PIP4K2B: variants seen among roughly 807,000 people sequenced by gnomAD.
PIP4K2B encodes the protein phosphatidylinositol-5-phosphate 4-kinase type 2 beta, also known as phosphatidylinositol 5-phosphate 4-kinase type-2 beta.
In PIP4K2B, 3 loss-of-function variants were observed where a neutral mutation model predicts 42.0. The ratio of observed to expected loss-of-function variants is 0.07; its 90% CI spans 0.03 to 0.18. PIP4K2B has a LOEUF of 0.18. Ranked by LOEUF, PIP4K2B falls within the 10% of genes least tolerant of loss-of-function variation. The pLI, the probability that PIP4K2B is intolerant of heterozygous loss-of-function variation, is 1.00. For missense variants in PIP4K2B, 332 were observed against 562.3 expected, an observed-to-expected ratio of 0.59 and a Z score of 4.14; for synonymous variants, 204 against 210.1, an observed-to-expected ratio of 0.97 and a Z score of 0.25.
intron 3 of PIP4K2B, among the ~76,000 whole-genome samples, chr17:38,782,931 T>G (rs1374405236): frequency 6.6e-6 from 1 of 152,032 alleles, no homozygotes; most frequent in African/African-American, 2.4e-5. Flanking sequence ...CTCACGCCTG[T>G]AATCCCAGCA....
chr17:38,769,868 A>C, intron 9 of PIP4K2B, 97 bp from the exon 10 acceptor site: 1 of 1,138,282 alleles, frequency 8.8e-7, no homozygotes, highest in Non-Finnish European at 1.3e-6. Flanking sequence ...CCTCTTACTC[A>C]GTATCAGAGC....
intron 3 of PIP4K2B, among the ~76,000 whole-genome samples, chr17:38,781,961 C>T (rs962232235): frequency 1.3e-5 from 2 of 152,140 alleles, no homozygotes; most frequent in African/African-American, 2.4e-5. Flanking sequence ...TATAGGCATG[C>T]ACCACCATGC....
chr17:38,777,609 A>T, intron 7 of PIP4K2B, 78 bp downstream of exon 7: 1 of 954,460 alleles, frequency 1.0e-6, no homozygotes, highest in Non-Finnish European at 1.7e-6. Context: ...ACTGAATTCC[A>T]TTCTTCTTAA....
At position 38,769,245 on chromosome 17, in the gene PIP4K2B, T is replaced by C. The variant is rs200416038; in HGVS notation, c.*446A>G. On this transcript the variant is annotated 3_prime_UTR_variant, in exon 10 of 10. Coordinates refer to ENST00000619039, the MANE Select transcript of PIP4K2B (RefSeq NM_003559.5). ...CTGGGTCTACCGGGTATCTCTTTAA[T>C]TGAAGGGAACTGAGAGCTCAGCAAA... 59 of 171,008 alleles carry C rather than the reference T, an allele frequency of 3.5e-4. No individual in the cohort carries two copies. The East Asian group carries it at 9.1e-3, about 26-fold the overall frequency. 10.6% of individuals were successfully genotyped at this position (171,008 alleles called of 1,614,324 possible).
intron 1 of PIP4K2B, chr17:38,792,880 G>C (rs1315322931): frequency 6.6e-6 from 1 of 152,212 alleles, no homozygotes; most frequent in African/African-American, 2.4e-5. Flanking sequence ...GAGGTGGGAA[G>C]GCCTGCTAAA....
At chr17:38,780,013 C>G (rs1446717793) in intron 4 of PIP4K2B, 2 of 178,632 alleles carry the variant, frequency 1.1e-5, no homozygotes, top group Non-Finnish European at 2.4e-5. Context: ...CCTGAAAGAC[C>G]AGAAGCTCCC....
At chr17:38,788,177 A>AATTAATTTATTT (rs1221140771) in intron 1 of PIP4K2B, among the ~76,000 whole-genome samples, 2 of 144,338 alleles carry the variant, frequency 1.4e-5, no homozygotes, top group South Asian at 2.2e-4. Flanking sequence ...TAATAGATTA[A>AATTAATTTATTT]ATTTATTTAT....
In PIP4K2B at chr17:38,799,545, G is replaced by T. The variant is rs1217374193; in HGVS notation, c.-121C>A. 7 of 1,306,526 alleles carry T rather than the reference G, an allele frequency of 5.4e-6. No individual in the cohort carries two copies. In the South Asian group the frequency reaches 1.0e-4, roughly 19 times the overall value. The allele number at this position is 1,306,526 out of a possible 1,614,324, so 80.9% of individuals were successfully genotyped here. On this transcript the variant is annotated 5_prime_UTR_variant, in exon 1 of 10. Coordinates refer to ENST00000619039, the MANE Select transcript of PIP4K2B (RefSeq NM_003559.5). This position sits in a 1 kb window ranked among gnomAD's most constrained non-coding sequence, Gnocchi z 4.4. The stretch of plus-strand genomic sequence containing the variant: ...CGCTCCCTCACCGCGCCATGGTCGC[G>T]CCCGTCCCGTTACCTCCCACCCCGC...
At chr17:38,797,867 C>A (rs1910739473) in intron 1 of PIP4K2B, among the ~76,000 whole-genome samples, 1 of 152,150 alleles carries the variant, frequency 6.6e-6, no homozygotes, top group African/African-American at 2.4e-5. Context: ...GGATTGTTGG[C>A]CCGAAGCAGC....
At position 38,780,449 on chromosome 17, in the gene PIP4K2B, T is replaced by C. The variant is rs1478255591; in HGVS notation, c.507+3A>G. On this transcript the variant is annotated splice_donor_region_variant and intron_variant, in intron 4 of 9. Coordinates refer to ENST00000619039, the MANE Select transcript of PIP4K2B (RefSeq NM_003559.5). ...TGCAGCCCAGGCTTGGGACTCACCATACCTGGTGGTATTTCTTTAAGATGT... is the reference window on the plus strand; with the variant it reads ...TGCAGCCCAGGCTTGGGACTCACCACACCTGGTGGTATTTCTTTAAGATGT... 1.2e-6 allele frequency: 2 copies of C among 1,609,232 alleles called. No individual in the cohort carries two copies. Among genetic ancestry groups the C allele is most frequent in the East Asian group, 2.2e-5 (1 of 44,688 alleles).
At chr17:38,779,677 G>C in intron 4 of PIP4K2B, 148 bp from the exon 5 acceptor site, 12 of 669,146 alleles carry the variant, frequency 1.8e-5, no homozygotes, top group Non-Finnish European at 3.0e-5. Context: ...TGAAGTAATA[G>C]GGGTTTCTCA....
rs745321010 is a variant in PIP4K2B at position 38,769,210 on chromosome 17, G to T, written c.*481C>A. Reference sequence around the variant, plus strand: ...CATCCATAGCACTTGGTTCTGGAAGGACCCTTGTGCTGGGTCTACCGGGTA... The same window carrying T: ...CATCCATAGCACTTGGTTCTGGAAGTACCCTTGTGCTGGGTCTACCGGGTA... On this transcript the variant is annotated 3_prime_UTR_variant, in exon 10 of 10. Transcript: ENST00000619039. The T allele has an allele frequency of 2.2e-4, 35 of 158,710 alleles. No homozygotes were observed. Among genetic ancestry groups the T allele is most frequent in the Non-Finnish European group, 4.3e-4 (31 of 71,978 alleles). The allele number at this position is 158,710 out of a possible 1,614,324, so 9.8% of individuals were successfully genotyped here. A position where few individuals can be genotyped will look rare whatever the true frequency, so the allele number is the denominator to read the frequency against.
rs1908894230 is a variant in PIP4K2B at position 38,769,615 on chromosome 17, A to G, written c.*76T>C. ...TGCTCCCACCCTCCCATCTAGCCCA[A>G]ATACACCCTTCTCCCTAACTCCCGA... is the stretch of plus-strand genomic sequence containing the variant. On this transcript the variant is annotated 3_prime_UTR_variant, in exon 10 of 10. Coordinates refer to ENST00000619039, the MANE Select transcript of PIP4K2B (RefSeq NM_003559.5). 1.1e-6 allele frequency: 1 copy of G among 896,710 alleles called. No individual in the cohort carries two copies. Among genetic ancestry groups the G allele is most frequent in the African/African-American group, 1.6e-5 (1 of 61,340 alleles). 55.5% of individuals were successfully genotyped at this position (896,710 alleles called of 1,614,324 possible).
chr17:38,782,265 C>CT (rs1430693184), intron 3 of PIP4K2B, among the ~76,000 whole-genome samples: 6 of 152,222 alleles, frequency 3.9e-5, no homozygotes, highest in African/African-American at 1.4e-4. Context: ...CCCTGACTCT[C>CT]TAAGTGGCTG....
intron 1 of PIP4K2B, among the ~76,000 whole-genome samples, chr17:38,791,778 G>C (rs1449279117): frequency 1.3e-5 from 2 of 150,528 alleles, no homozygotes; most frequent in Non-Finnish European, 3.0e-5. Context: ...GCTAGGAGCT[G>C]GGGATACAAA....
At chr17:38,786,631 C>T (rs566470213) in intron 2 of PIP4K2B, among the ~76,000 whole-genome samples, 192 bp downstream of exon 2, 10 of 152,300 alleles carry the variant, frequency 6.6e-5, no homozygotes, top group African/African-American at 1.7e-4. Context: ...TAGAGTGAGA[C>T]GACAATACTA....
At chr17:38,790,187 A>C (rs1910269393) in intron 1 of PIP4K2B, among the ~76,000 whole-genome samples, 1 of 151,944 alleles carries the variant, frequency 6.6e-6, no homozygotes, top group Non-Finnish European at 1.5e-5. Flanking sequence ...CCCAATAGCC[A>C]AAAAAAACCC....
chr17:38,799,118 A>T lies in PIP4K2B; in HGVS notation c.159+148T>A. The T allele has an allele frequency of 1.3e-6, 1 of 781,636 alleles. No individual in the cohort carries two copies. Among genetic ancestry groups the T allele is most frequent in the South Asian group, 2.5e-5 (1 of 40,404 alleles). 48.4% of individuals were successfully genotyped at this position (781,636 alleles called of 1,614,324 possible). A position where few individuals can be genotyped will look rare whatever the true frequency, so the allele number is the denominator to read the frequency against. ...TGCGGGGAGTGCACACGGGGCCGAA[A>T]GGCGTGCAAGGGTGGGGTGGGCGTG... On this transcript the variant is annotated intron_variant, in intron 1 of 9. Coordinates refer to ENST00000619039, the MANE Select transcript of PIP4K2B (RefSeq NM_003559.5). The surrounding 1 kb of genome is among the most constrained non-coding windows in gnomAD (Gnocchi z 4.4).
intron 7 of PIP4K2B, among the ~76,000 whole-genome samples, chr17:38,772,666 C>T (rs1909111445): frequency 1.3e-5 from 2 of 152,202 alleles, no homozygotes. Context: ...ACTGCAACCT[C>T]CACCTCCCAG....
Sources: gnomAD v4.1 joint callset for allele counts (sites outside exome capture counted in the v4.1 genomes callset) on GRCh38, gnomAD v4.1.1 for gene constraint, Gnocchi (gnomAD v3.1) non-coding constraint, MANE v1.5 for transcripts, NCBI Gene and HGNC (gene_info 2026-07-23, HGNC 2026-07-21) for gene names.